Variants in PLCG1 observed in about 807,000 individuals in gnomAD.
The protein encoded by PLCG1 is phospholipase C gamma 1.
PLCG1 carries 71 observed loss-of-function variants against 177.8 expected under a neutral mutation model. The ratio of observed to expected loss-of-function variants is 0.40; its 90% CI spans 0.33 to 0.49. PLCG1 has a LOEUF of 0.49. Ranked by LOEUF, PLCG1 falls within the 20% of genes least tolerant of loss-of-function variation. The pLI is 0.72. For missense variants in PLCG1, 1,281 were observed against 1,709.0 expected (o/e 0.75, Z 4.42); for synonymous variants, 658 against 647.9 (o/e 1.02, Z -0.24).
chr20:41,166,641 C>G lies in PLCG1; in HGVS notation c.2121-38C>G. ...TTGTGGGGCCTTGCTTGGGTCTGAG[C>G]TGCCCTGACCCTGTGTGACTGTTTT... On this transcript the variant is annotated intron_variant, in intron 18 of 31. Coordinates refer to ENST00000685551, the MANE Select transcript of PLCG1 (RefSeq NM_002660.3). This position sits in a 1 kb window ranked among gnomAD's most constrained non-coding sequence, Gnocchi z 8.6. 1 of 1,613,976 alleles carries G rather than the reference C, an allele frequency of 6.2e-7. No homozygotes were observed.
At chr20:41,162,849 C>A in intron 6 of PLCG1, 109 bp from the exon 7 acceptor site, 2 of 1,337,634 alleles carry the variant, frequency 1.5e-6, no homozygotes, top group Non-Finnish European at 2.2e-6. Flanking sequence ...TCCAGTTCTT[C>A]TCCTCTTGAG....
chr20:41,169,302 C>G, intron 22 of PLCG1, 127 bp downstream of exon 22: 1 of 930,614 alleles, frequency 1.1e-6, no homozygotes, highest in Non-Finnish European at 1.8e-6. Context: ...GGTCGCACAG[C>G]CCATGTGGCC....
rs766543085 is a variant in PLCG1 at position 41,159,720 on chromosome 20, A to G, written c.332A>G (p.Tyr111Cys). Reference protein sequence around the residue: ...PDQSHCFVILYGMEFRLKTLS... With the variant: ...PDQSHCFVILCGMEFRLKTLS... ...CAGTCACATTGCTTTGTCATTCTCT[A>G]TGGAATGGAATTTCGCCTGAAAACG... The change falls in exon 2 of 32, where the codon TAT (tyrosine) becomes TGT (cysteine). Residue 111 changes from tyrosine to cysteine, a missense_variant. Tyr to Cys is a radical substitution (Grantham distance 194). Coordinates refer to ENST00000685551, the MANE Select transcript of PLCG1 (RefSeq NM_002660.3). The surrounding 1 kb of genome is among the most constrained non-coding windows in gnomAD (Gnocchi z 6.0). The G allele has an allele frequency of 3.1e-5, 50 of 1,614,008 alleles. No individual in the cohort carries two copies. Among genetic ancestry groups the G allele is most frequent in the African/African-American group, 9.3e-5 (7 of 74,898 alleles).
intron 1 of PLCG1, among the ~76,000 whole-genome samples, chr20:41,154,966 G>A (rs35049828): frequency 5.9e-5 from 9 of 152,200 alleles, no homozygotes; most frequent in Non-Finnish European, 1.3e-4. Flanking sequence ...ATGTCCAAAA[G>A]GGGGATGCTG....
chr20:41,149,547 C>T (rs779043951), intron 1 of PLCG1, among the ~76,000 whole-genome samples: 4 of 152,092 alleles, frequency 2.6e-5, no homozygotes, highest in Non-Finnish European at 5.9e-5. Flanking sequence ...GTCTTTGAGA[C>T]GTTTTGAGAT....
Position 41,173,871 on chromosome 20 carries a change from G to A in PLCG1, c.3557-52G>A. 2 of 1,610,920 alleles carry A rather than the reference G, an allele frequency of 1.2e-6. No individual in the cohort carries two copies. The highest frequency in any genetic ancestry group is 1.7e-6 in the Non-Finnish European group (2 of 1,177,392). ...AATCTTGCTGGCAGGGTGGGGCTGG[G>A]CCCCTTGCTCTGTCCCTCGTGGGCT... On this transcript the variant is annotated intron_variant, in intron 29 of 31. Coordinates refer to ENST00000685551, the MANE Select transcript of PLCG1 (RefSeq NM_002660.3). The surrounding 1 kb of genome is among the most constrained non-coding windows in gnomAD (Gnocchi z 6.2).
chr20:41,169,070 C>T lies in PLCG1; in HGVS notation c.2484-9C>T. 6.2e-7 allele frequency: 1 copy of T among 1,602,804 alleles called. No homozygotes were observed. Among genetic ancestry groups the T allele is most frequent in the Non-Finnish European group, 8.5e-7 (1 of 1,169,648 alleles). On this transcript the variant is annotated splice_polypyrimidine_tract_variant and intron_variant, in intron 21 of 31. Coordinates refer to ENST00000685551, the MANE Select transcript of PLCG1 (RefSeq NM_002660.3). ...GTTGCTGGAGGTCAGCACCCTGTGG[C>T]TCCCACAGGTGGCGAGGGGACTACG... is the stretch of plus-strand genomic sequence containing the variant.
chr20:41,161,570 T>C (rs997730751), intron 4 of PLCG1, among the ~76,000 whole-genome samples: 1 of 152,100 alleles, frequency 6.6e-6, no homozygotes, highest in African/African-American at 2.4e-5. Flanking sequence ...ACCTCCTGGG[T>C]GACTGAGGAT....
chr20:41,150,309 A>T lies in PLCG1; in HGVS notation c.218-9297A>T, dbSNP rs182621140. 1.2e-4 allele frequency among the ~76,000 whole-genome samples: 18 copies of T among 152,356 alleles called. No homozygotes were observed. The highest frequency in any genetic ancestry group is 3.6e-4 in the African/African-American group (15 of 41,570). Reference sequence around the variant, plus strand: ...TAGTGAGACCCCATCTCTATAAAATATAAAGAAAAATTTTAAAAGTGACTT... The same window carrying T: ...TAGTGAGACCCCATCTCTATAAAATTTAAAGAAAAATTTTAAAAGTGACTT... On this transcript the variant is annotated intron_variant, in intron 1 of 31. Coordinates refer to ENST00000685551, the MANE Select transcript of PLCG1 (RefSeq NM_002660.3). This position sits in a 1 kb window ranked among gnomAD's most constrained non-coding sequence, Gnocchi z 4.0.
At position 41,173,638 on chromosome 20, in the gene PLCG1, C is replaced by T. The variant is rs748453837; in HGVS notation, c.3395-14C>T. 70 of 1,614,032 alleles carry T rather than the reference C, an allele frequency of 4.3e-5. No homozygotes were observed. The highest frequency in any genetic ancestry group is 3.3e-4 in the Middle Eastern group (2 of 6,084). ...CCCACGGTGACCTGAAGCCTTTTGTCGTTGCCTTCACAGTGGACAATGGAC... is the reference window on the plus strand; with the variant it reads ...CCCACGGTGACCTGAAGCCTTTTGTTGTTGCCTTCACAGTGGACAATGGAC... On this transcript the variant is annotated splice_polypyrimidine_tract_variant and intron_variant, in intron 28 of 31. Transcript: ENST00000685551. This position sits in a 1 kb window ranked among gnomAD's most constrained non-coding sequence, Gnocchi z 6.2.
rs554565761 is a variant in PLCG1, at chr20:41,148,543, A to G, written c.217+10685A>G. Among the ~76,000 whole-genome samples the G allele has an allele frequency of 1.3e-5, 2 of 152,188 alleles. No homozygotes were observed. The highest frequency in any genetic ancestry group is 1.3e-4 in the Admixed American group (2 of 15,288). Reference sequence around the variant, plus strand: ...GTGGTCAGGAGGGCCTCATTTATCTAGTGAGCAGGAACAGGTTATATAGCA... The same window carrying G: ...GTGGTCAGGAGGGCCTCATTTATCTGGTGAGCAGGAACAGGTTATATAGCA... On this transcript the variant is annotated intron_variant, in intron 1 of 31. Coordinates refer to ENST00000685551, the MANE Select transcript of PLCG1 (RefSeq NM_002660.3). The surrounding 1 kb of genome is among the most constrained non-coding windows in gnomAD (Gnocchi z 4.3).
chr20:41,165,252 A>G lies in PLCG1; in HGVS notation c.1394A>G (p.Lys465Arg). ...LKRKILIKHKKLAEGSAYEEV... is the reference protein window; with the variant it reads ...LKRKILIKHKRLAEGSAYEEV... ...TTCTGGTTGCCCCTACAGCACAAGA[A>G]GCTGGCTGAGGGCAGTGCCTACGAG... Residue 465 changes from lysine (K) to arginine (R), a missense_variant, in exon 14 of 32, where the codon AAG becomes AGG. Physicochemically the swap from Lys to Arg is conservative, Grantham distance 26. This residue lies in a region of PLCG1 where 723 missense variants were observed against 1,030.0 expected (regional missense o/e 0.70). Coordinates refer to ENST00000685551, the MANE Select transcript of PLCG1 (RefSeq NM_002660.3). The surrounding 1 kb of genome is among the most constrained non-coding windows in gnomAD (Gnocchi z 6.6). 6.2e-7 allele frequency: 1 copy of G among 1,614,102 alleles called. No homozygotes were observed. Among genetic ancestry groups the G allele is most frequent in the Non-Finnish European group, 8.5e-7 (1 of 1,179,998 alleles).
rs2035050940 is a variant in PLCG1, at chr20:41,148,063, A to G, written c.217+10205A>G. On this transcript the variant is annotated intron_variant, in intron 1 of 31. Transcript: ENST00000685551. This position sits in a 1 kb window ranked among gnomAD's most constrained non-coding sequence, Gnocchi z 4.3. ...TGGCGGCTGGGTCAAGTAGCTCTAA[A>G]ACAGGAGAGCCTAGTGGGTTCTGCT... Among the ~76,000 whole-genome samples, 1 of 152,158 alleles carries G rather than the reference A, an allele frequency of 6.6e-6. No individual in the cohort carries two copies. The highest frequency in any genetic ancestry group is 2.4e-5 in the African/African-American group (1 of 41,428).
chr20:41,166,448 G>A lies in PLCG1; in HGVS notation c.2001-28G>A, dbSNP rs1413730048. On this transcript the variant is annotated intron_variant, in intron 17 of 31. Coordinates refer to ENST00000685551, the MANE Select transcript of PLCG1 (RefSeq NM_002660.3). The surrounding 1 kb of genome is among the most constrained non-coding windows in gnomAD (Gnocchi z 8.6). The stretch of plus-strand genomic sequence containing the variant: ...GCAGGGCAGGGCCATGGGTGGTGCT[G>A]GCCGGGCCTGACTCTGCCTGTTCTC... 18 of 1,613,930 alleles carry A rather than the reference G, an allele frequency of 1.1e-5. No homozygotes were observed. Among genetic ancestry groups the A allele is most frequent in the Non-Finnish European group, 1.5e-5 (18 of 1,180,002 alleles).
chr20:41,163,495 C>A lies in PLCG1; in HGVS notation c.891+16C>A. ...CCTGGATGAGGTGAGCCCGATGTTT[C>A]ACCCATTTTTTGTCAAGAGAATGAG... On this transcript the variant is annotated intron_variant, in intron 9 of 31. Transcript: ENST00000685551. The surrounding 1 kb of genome is among the most constrained non-coding windows in gnomAD (Gnocchi z 5.2). 6.3e-7 allele frequency: 1 copy of A among 1,577,184 alleles called. No homozygotes were observed. The highest frequency in any genetic ancestry group is 8.7e-7 in the Non-Finnish European group (1 of 1,148,840).
chr20:41,167,991 T>C lies in PLCG1; in HGVS notation c.2379+62T>C. ...GGGTCCCCAGCTGCTTGGGGCTTCA[T>C]TTCTGTGTTCTGGGCCATCTGTGGT... On this transcript the variant is annotated intron_variant, in intron 20 of 31. Transcript: ENST00000685551. This position sits in a 1 kb window ranked among gnomAD's most constrained non-coding sequence, Gnocchi z 4.4. The C allele has an allele frequency of 8.8e-7, 1 of 1,133,276 alleles. No individual in the cohort carries two copies. The highest frequency in any genetic ancestry group is 1.3e-6 in the Non-Finnish European group (1 of 746,302). The allele number at this position is 1,133,276 out of a possible 1,614,324, so 70.2% of individuals were successfully genotyped here. A position where few individuals can be genotyped will look rare whatever the true frequency, so the allele number is the denominator to read the frequency against.
In PLCG1 at chr20:41,169,571, G is replaced by A. The variant is rs1024958059; in HGVS notation, c.2650+45G>A. On this transcript the variant is annotated intron_variant, in intron 23 of 31. Transcript: ENST00000685551. Reference sequence around the variant, plus strand: ...TCTTGCCCACTGTTCCCTAGGGTGAGATTCTTCTTTGTATCTCTTTCCTGC... The same window carrying A: ...TCTTGCCCACTGTTCCCTAGGGTGAAATTCTTCTTTGTATCTCTTTCCTGC... The A allele has an allele frequency of 2.1e-5, 31 of 1,450,308 alleles. 1 individual carries two copies. The highest frequency in any genetic ancestry group is 1.8e-4 in the Middle Eastern group (1 of 5,668). 89.8% of individuals were successfully genotyped at this position (1,450,308 alleles called of 1,614,324 possible).
chr20:41,145,560 G>A (rs1429338590), intron 1 of PLCG1, among the ~76,000 whole-genome samples: 1 of 152,156 alleles, frequency 6.6e-6, no homozygotes, highest in Non-Finnish European at 1.5e-5. Flanking sequence ...GTATCCTCCT[G>A]CTGCCCAGAG....
chr20:41,175,823 AGGAAATTTCT>A lies in PLCG1; in HGVS notation c.*1325_*1334del, dbSNP rs1197036668. ...TGATTATTCTGCAGTAGAAGCAGGTAGGAAATTTCTGGAAATTTCTCAGGTTAAGCAGCAA... is the reference window on the plus strand; with the variant it reads ...TGATTATTCTGCAGTAGAAGCAGGTAGGAAATTTCTCAGGTTAAGCAGCAA... On this transcript the variant is annotated 3_prime_UTR_variant, in exon 32 of 32. Coordinates refer to ENST00000685551, the MANE Select transcript of PLCG1 (RefSeq NM_002660.3). 5.9e-5 allele frequency: 9 copies of A among 152,654 alleles called. No homozygotes were observed. Among genetic ancestry groups the A allele is most frequent in the East Asian group, 1.9e-4 (1 of 5,198 alleles). The allele number at this position is 152,654 out of a possible 1,614,324, so 9.5% of individuals were successfully genotyped here.
Sources: allele counts gnomAD v4.1 joint callset (sites outside exome capture counted in the v4.1 genomes callset), GRCh38; gene constraint gnomAD v4.1.1; regional missense constraint gnomAD v4.1.1; non-coding constraint Gnocchi (gnomAD v3.1); transcripts MANE v1.5; gene names NCBI Gene and HGNC (gene_info 2026-07-23, HGNC 2026-07-21).